Variants in PKHD1L1 observed in about 807,000 individuals in gnomAD.
The protein encoded by PKHD1L1 is fibrocystin-L.
PKHD1L1 carries 434 observed loss-of-function variants against 462.9 expected under a neutral mutation model. The ratio of observed to expected loss-of-function variants is 0.94; its 90% CI spans 0.87 to 1.02. The LOEUF (loss-of-function observed/expected upper bound fraction) is 1.02. Among genes scored for constraint, PKHD1L1 ranks in the 50% least tolerant of loss-of-function variants. The pLI is 0.00. For missense variants in PKHD1L1, 5,202 were observed against 5,096.1 expected, an observed-to-expected ratio of 1.02 and a Z score of -0.63; for synonymous variants, 1,781 against 1,750.0, an observed-to-expected ratio of 1.02 and a Z score of -0.44.
Position 109,464,557 on chromosome 8 carries a change from T to TG in PKHD1L1, c.7726dup (p.Val2576GlyfsTer18). 1 of 1,613,666 alleles carries TG rather than the reference T, an allele frequency of 6.2e-7. No individual in the cohort carries two copies. The highest frequency in any genetic ancestry group is 8.5e-7 in the Non-Finnish European group (1 of 1,179,794). On this transcript the variant is annotated frameshift_variant, in exon 49 of 78. Coordinates refer to ENST00000378402, the MANE Select transcript of PKHD1L1 (RefSeq NM_177531.6). LOFTEE classifies it high-confidence loss of function. The stretch of plus-strand genomic sequence containing the variant: ...CGAACAATACCATACGACACAATGC[T>TG]GTTGCTGGTGGCACTCACTTTGGCT...
In PKHD1L1 at chr8:109,380,966, G is replaced by T. The variant is rs1173439783; in HGVS notation, c.164-404G>T. 3.3e-5 allele frequency among the ~76,000 whole-genome samples: 5 copies of T among 152,038 alleles called. No homozygotes were observed. In the South Asian group the frequency reaches 1.0e-3, roughly 32 times the overall value. On this transcript the variant is annotated intron_variant, in intron 2 of 77. Transcript: ENST00000378402. Reference sequence around the variant, plus strand: ...CTGGTGCTATGTAGGCTCACAGTAGGCTCTCTGTAACTTCGAGCCTGTCAT... The same window carrying T: ...CTGGTGCTATGTAGGCTCACAGTAGTCTCTCTGTAACTTCGAGCCTGTCAT...
rs751491968 is a variant in PKHD1L1, at chr8:109,438,882, A to G, written c.3761-15A>G. 9 of 1,539,966 alleles carry G rather than the reference A, an allele frequency of 5.8e-6. No homozygotes were observed. The highest frequency in any genetic ancestry group is 1.8e-6 in the Non-Finnish European group (2 of 1,140,588). Reference sequence around the variant, plus strand: ...TTGAACTTTTTGCATTATTTTTTAAATTTTAAAATACCAGGAGAAGTTAAT... The same window carrying G: ...TTGAACTTTTTGCATTATTTTTTAAGTTTTAAAATACCAGGAGAAGTTAAT... On this transcript the variant is annotated splice_polypyrimidine_tract_variant and intron_variant, in intron 31 of 77. Transcript: ENST00000378402.
intron 8 of PKHD1L1, among the ~76,000 whole-genome samples, chr8:109,389,770 C>T (rs1255865742): frequency 2.0e-5 from 3 of 152,004 alleles, no homozygotes; most frequent in Admixed American, 6.6e-5. Flanking sequence ...TCGGGTGATC[C>T]GCCCGCCTCA....
intron 3 of PKHD1L1, 131 bp from the exon 4 acceptor site, chr8:109,382,332 A>C (rs1324508864): frequency 8.2e-6 from 5 of 606,734 alleles, no homozygotes; most frequent in Non-Finnish European, 1.3e-5. Context: ...GAACTTAACT[A>C]GACATCAGTT....
At chr8:109,390,416 GA>G in intron 8 of PKHD1L1, 35 bp from the exon 9 acceptor site, 1 of 1,241,478 alleles carries the variant, frequency 8.1e-7, no homozygotes. Context: ...CTGTGACTGG[GA>G]ATTTAATTGA....
chr8:109,486,655 A>G lies in PKHD1L1; in HGVS notation c.9714A>G (p.Lys3238=). ...GCTGCCTTTATACTGCAGCTGAAAA[A>G]TACCATGTCCCTGGAACTGGTGAGA... ...DSLSYTHFAE[K]YHVPGTGESY... is the part of the protein sequence containing the mutation. Residue 3238 remains lysine, a synonymous_variant, in exon 59 of 78, where the codon AAA becomes AAG. Transcript: ENST00000378402. The G allele has an allele frequency of 6.2e-7, 1 of 1,610,942 alleles. No individual in the cohort carries two copies. Among genetic ancestry groups the G allele is most frequent in the African/African-American group, 1.3e-5 (1 of 74,820 alleles).
rs542477806 is a variant in PKHD1L1, at chr8:109,430,405, G to A, written c.3229+368G>A. ...TTAAGTGGAGTCTTTTATTCTATGA[G>A]ACCACTTCCTCTAGGAGAGTTAGTA... On this transcript the variant is annotated intron_variant, in intron 27 of 77. Transcript: ENST00000378402. 7.2e-5 allele frequency among the ~76,000 whole-genome samples: 11 copies of A among 152,174 alleles called. 1 individual carries two copies. In the South Asian group the frequency reaches 1.5e-3, roughly 20 times the overall value.
At chr8:109,404,906 A>G in intron 15 of PKHD1L1, 89 bp from the exon 16 acceptor site, 2 of 1,096,302 alleles carry the variant, frequency 1.8e-6, no homozygotes, top group South Asian at 4.0e-5. Flanking sequence ...AAAATAGAGC[A>G]ATAAAGTGGC....
Position 109,534,364 on chromosome 8 carries a change from G to A in PKHD1L1, c.*4274G>A, listed in dbSNP as rs1286401621. On this transcript the variant is annotated 3_prime_UTR_variant, in exon 78 of 78. Coordinates refer to ENST00000378402, the MANE Select transcript of PKHD1L1 (RefSeq NM_177531.6). ...TGTAGTCTCAGCTAGTCGGGAGGCTGAGGCAGGAGAATGGTGTGAACCCAG... is the reference window on the plus strand; with the variant it reads ...TGTAGTCTCAGCTAGTCGGGAGGCTAAGGCAGGAGAATGGTGTGAACCCAG... Among the ~76,000 whole-genome samples the A allele has an allele frequency of 6.6e-6, 1 of 152,164 alleles. No individual in the cohort carries two copies. The highest frequency in any genetic ancestry group is 1.9e-4 in the East Asian group (1 of 5,180).
chr8:109,478,856 A>T (rs911358698), intron 53 of PKHD1L1, among the ~76,000 whole-genome samples: 4 of 152,080 alleles, frequency 2.6e-5, no homozygotes, highest in African/African-American at 9.7e-5. Flanking sequence ...AAATAGTTAT[A>T]ATTGGATTGA....
Position 109,405,608 on chromosome 8 carries a change from G to A in PKHD1L1, c.1669+478G>A, listed in dbSNP as rs188976612. Among the ~76,000 whole-genome samples, 7 of 150,860 alleles carry A rather than the reference G, an allele frequency of 4.6e-5. No individual in the cohort carries two copies. In the Admixed American group the frequency reaches 4.7e-4, roughly 10 times the overall value. On this transcript the variant is annotated intron_variant, in intron 16 of 77. Transcript: ENST00000378402. ...AGGAACAGAAAACCAAACACTGCAT[G>A]TTCTCACTTATAAGTGGGAGCTGAA...
chr8:109,415,274 G>T (rs1047529780), intron 21 of PKHD1L1, among the ~76,000 whole-genome samples: 1 of 151,910 alleles, frequency 6.6e-6, no homozygotes, highest in Non-Finnish European at 1.5e-5. Flanking sequence ...CCAAAGTCCT[G>T]GGATTACAGG....
chr8:109,496,785 T>G, intron 63 of PKHD1L1, 134 bp from the exon 64 acceptor site: 1 of 900,086 alleles, frequency 1.1e-6, no homozygotes, highest in Non-Finnish European at 1.6e-6. Flanking sequence ...AAATATTTGA[T>G]CATATTAAAC....
At chr8:109,506,772 T>A (rs551064437) in intron 68 of PKHD1L1, among the ~76,000 whole-genome samples, 1 of 152,344 alleles carries the variant, frequency 6.6e-6, no homozygotes, top group African/African-American at 2.4e-5. Flanking sequence ...GGGAGAGCTA[T>A]TCTAGATACT....
intron 71 of PKHD1L1, among the ~76,000 whole-genome samples, chr8:109,514,183 C>T (rs982017509): frequency 2.0e-5 from 3 of 152,096 alleles, no homozygotes; most frequent in African/African-American, 4.8e-5. Flanking sequence ...TTGCCTCAGT[C>T]TAAAACATTC....
Position 109,490,059 on chromosome 8 carries a change from T to A in PKHD1L1, c.9984+4T>A. ...AACGTTTCTTAACCTAGGACAGGTTTGTGCTTTATTTTTAATTTTGTGTAT... is the reference window on the plus strand; with the variant it reads ...AACGTTTCTTAACCTAGGACAGGTTAGTGCTTTATTTTTAATTTTGTGTAT... On this transcript the variant is annotated splice_donor_region_variant and intron_variant, in intron 60 of 77. Coordinates refer to ENST00000378402, the MANE Select transcript of PKHD1L1 (RefSeq NM_177531.6). 6.5e-7 allele frequency: 1 copy of A among 1,543,156 alleles called. No homozygotes were observed. The highest frequency in any genetic ancestry group is 1.2e-5 in the South Asian group (1 of 80,506).
Position 109,498,483 on chromosome 8 carries a change from A to G in PKHD1L1, c.10621A>G (p.Ser3541Gly). The change falls in exon 66 of 78, where the codon AGC (serine) becomes GGC (glycine). Residue 3541 changes from serine to glycine, a missense_variant. By Grantham distance (56) the Ser-to-Gly change is moderately conservative. Around this residue, in one of 3 missense-constraint regions of PKHD1L1, gnomAD observed 4,497 missense variants for 4,336.8 expected, o/e 1.04. Coordinates refer to ENST00000378402, the MANE Select transcript of PKHD1L1 (RefSeq NM_177531.6). ...ACAGAGCTCATTAATTGTTGGAAGT[A>G]GCCCTGGGTTTAATTGCTCTGATGT... ...QIKSSLIVGS[S>G]PGFNCSDVLT... is the part of the protein sequence containing the mutation. 1 of 1,611,612 alleles carries G rather than the reference A, an allele frequency of 6.2e-7. No individual in the cohort carries two copies. Among genetic ancestry groups the G allele is most frequent in the Non-Finnish European group, 8.5e-7 (1 of 1,177,786 alleles).
Position 109,490,996 on chromosome 8 carries a change from A to G in PKHD1L1, c.10009A>G (p.Ile3337Val). Reference protein sequence around the residue: ...GQIQEHGSSYIRGCAFHHGFS... With the variant: ...GQIQEHGSSYVRGCAFHHGFS... Reference sequence around the variant, plus strand: ...GATTCAAGAACATGGCTCATCTTATATTCGAGGCTGTGCTTTTCACCATGG... The same window carrying G: ...GATTCAAGAACATGGCTCATCTTATGTTCGAGGCTGTGCTTTTCACCATGG... Residue 3337 changes from isoleucine (I) to valine (V), a missense_variant, in exon 61 of 78, where the codon ATT (isoleucine) becomes GTT (valine). By Grantham distance (29) the Ile-to-Val change is conservative. Around this residue, in one of 3 missense-constraint regions of PKHD1L1, gnomAD observed 4,497 missense variants for 4,336.8 expected, o/e 1.04. Transcript: ENST00000378402. 1.2e-6 allele frequency: 2 copies of G among 1,608,598 alleles called. No homozygotes were observed. The highest frequency in any genetic ancestry group is 1.7e-6 in the Non-Finnish European group (2 of 1,176,128).
At chr8:109,465,363 T>C in intron 49 of PKHD1L1, 118 bp downstream of exon 49, 2 of 1,078,310 alleles carry the variant, frequency 1.9e-6, no homozygotes, top group East Asian at 2.6e-5. Context: ...TAGCAAACTT[T>C]ACTAATAATT....
Sources: gnomAD v4.1 joint callset for allele counts (sites outside exome capture counted in the v4.1 genomes callset) on GRCh38, gnomAD v4.1.1 for gene constraint, gnomAD v4.1.1 regional missense constraint, MANE v1.5 for transcripts, NCBI Gene and HGNC (gene_info 2026-07-23, HGNC 2026-07-21) for gene names.